Variants in UBR4 observed in about 807,000 individuals in gnomAD.
UBR4 encodes the protein E3 ubiquitin-protein ligase UBR4.
UBR4 carries 124 observed loss-of-function variants against 575.6 expected under a neutral mutation model. The observed-to-expected ratio is 0.22, with a 90% confidence interval of 0.19 to 0.25. UBR4 has a LOEUF of 0.25. Among genes scored for constraint, UBR4 ranks in the 10% least tolerant of loss-of-function variants. The probability of loss-of-function intolerance (pLI) is 1.00; values close to 1 mark genes in which losing one functional copy is unlikely to be tolerated. For synonymous variants in UBR4, 2,455 were observed against 2,473.7 expected, an observed-to-expected ratio of 0.99 and a Z score of 0.22; for missense variants, 4,818 against 6,478.8, an observed-to-expected ratio of 0.74 and a Z score of 8.80.
In UBR4 at chr1:19,094,107, T is replaced by C. The variant is rs758731216; in HGVS notation, c.13779A>G (p.Gln4593=). The stretch of plus-strand genomic sequence containing the variant: ...TGATCTGGTCCAAGAGCATCACCAG[T>C]TGATCCTTGTCACCTGTCAGGAGGA... ...GNLLLTGDKD[Q]LVMLLDQINS... The change falls in exon 95 of 106, where the codon CAA becomes CAG. Residue 4593 remains glutamine (Q), a synonymous_variant. Coordinates refer to ENST00000375254, the MANE Select transcript of UBR4 (RefSeq NM_020765.3). The C allele has an allele frequency of 1.2e-6, 2 of 1,613,912 alleles. No homozygotes were observed. The highest frequency in any genetic ancestry group is 8.5e-7 in the Non-Finnish European group (1 of 1,179,976).
chr1:19,136,616 A>C (rs1018941845), intron 60 of UBR4, among the ~76,000 whole-genome samples: 1 of 152,220 alleles, frequency 6.6e-6, no homozygotes, highest in Admixed American at 6.5e-5. Flanking sequence ...TAAGAAGCAC[A>C]AAGTAATAAC....
At chr1:19,156,542 A>C in intron 41 of UBR4, 119 bp from the exon 42 acceptor site, 2 of 1,338,152 alleles carry the variant, frequency 1.5e-6, no homozygotes, top group Non-Finnish European at 2.0e-6. Flanking sequence ...GACAGTATTT[A>C]GACTGTCTAG....
In UBR4 at chr1:19,117,376, G is replaced by A. The variant is rs1557652824; in HGVS notation, c.10668C>T (p.Tyr3556=). The change falls in exon 73 of 106, where the codon TAC becomes TAT. Residue 3556 remains tyrosine, a synonymous_variant. Coordinates refer to ENST00000375254, the MANE Select transcript of UBR4 (RefSeq NM_020765.3). The surrounding 1 kb of genome is among the most constrained non-coding windows in gnomAD (Gnocchi z 4.0). ...KLSSIKVDTR[Y]TTTQQVVKLI... ...GCTTCACAACCTGCTGGGTGGTGGT[G>A]TACCGCGTGTCCACTTTAATGGAAG... 3 of 1,614,072 alleles carry A rather than the reference G, an allele frequency of 1.9e-6. No homozygotes were observed. The highest frequency in any genetic ancestry group is 1.3e-5 in the African/African-American group (1 of 74,916).
chr1:19,154,887 C>G, intron 44 of UBR4, 31 bp downstream of exon 44: 1 of 1,612,920 alleles, frequency 6.2e-7, no homozygotes, highest in Non-Finnish European at 8.5e-7. Flanking sequence ...GTGGACATTG[C>G]GGAAGTTGAA....
chr1:19,132,605 T>TAAAAAAAAAAAAAAAAAAAAAAAAAAGA, intron 60 of UBR4, among the ~76,000 whole-genome samples: 1 of 24,128 alleles, frequency 4.1e-5, no homozygotes, highest in African/African-American at 2.3e-4. Context: ...TAAAAAATGG[T>TAAAAAAAAAAAAAAAAAAAAAAAAAAGA]AAAAAAAAAA....
chr1:19,136,841 T>G (rs2083252751), intron 60 of UBR4, among the ~76,000 whole-genome samples: 1 of 152,106 alleles, frequency 6.6e-6, no homozygotes, highest in African/African-American at 2.4e-5. Context: ...CAAAATATCA[T>G]CTATTAACAG....
chr1:19,098,441 CT>C (rs2078278373), intron 90 of UBR4, among the ~76,000 whole-genome samples: 2 of 152,244 alleles, frequency 1.3e-5, no homozygotes, highest in African/African-American at 2.4e-5. Context: ...TTCTATCTTG[CT>C]TCACCATTCA....
At chr1:19,078,942 A>T (rs1379467496) in intron 103 of UBR4, 1 of 152,098 alleles carries the variant, frequency 6.6e-6, no homozygotes, top group Non-Finnish European at 1.5e-5. Context: ...GTCAGGATTC[A>T]GTTTCTACCA....
At position 19,112,816 on chromosome 1, in the gene UBR4, C is replaced by G; in HGVS notation, c.11509G>C (p.Glu3837Gln). 6.2e-7 allele frequency: 1 copy of G among 1,613,916 alleles called. No individual in the cohort carries two copies. Among genetic ancestry groups the G allele is most frequent in the East Asian group, 2.2e-5 (1 of 44,884 alleles). The change falls in exon 78 of 106, where the codon GAA (glutamate) becomes CAA (glutamine). Residue 3837 changes from glutamate (E) to glutamine (Q), a missense_variant. Glu to Gln is a conservative substitution (Grantham distance 29). Around this residue, in one of 29 missense-constraint regions of UBR4, gnomAD observed 333 missense variants for 459.2 expected, o/e 0.73. Coordinates refer to ENST00000375254, the MANE Select transcript of UBR4 (RefSeq NM_020765.3). The stretch of plus-strand genomic sequence containing the variant: ...GTCCGGGATGATTTAGTGGCTGCTT[C>G]CCTCTGCTGTAGGTCATATTCCAAC... ...ELLEYDLQQR[E>Q]AATKSSRTSV...
intron 55 of UBR4, among the ~76,000 whole-genome samples, chr1:19,143,495 G>C (rs779720245): frequency 5.3e-5 from 8 of 152,108 alleles, no homozygotes; most frequent in African/African-American, 9.7e-5. Context: ...GTATTGTGAG[G>C]GAAATTCCTG....
chr1:19,145,506 G>GACACACAC (rs1557773651), intron 53 of UBR4, among the ~76,000 whole-genome samples: 1 of 43,378 alleles, frequency 2.3e-5, no homozygotes, highest in African/African-American at 8.8e-5. Flanking sequence ...ATAAACCACT[G>GACACACAC]AGACACACAC....
At chr1:19,094,247 C>T in intron 94 of UBR4, 108 bp from the exon 95 acceptor site, 1 of 749,660 alleles carries the variant, frequency 1.3e-6, no homozygotes, top group Non-Finnish European at 2.2e-6. Context: ...ATCAGGAATA[C>T]CCCTAGAAGA....
At chr1:19,099,120 AG>A (rs2078360335) in intron 90 of UBR4, among the ~76,000 whole-genome samples, 1 of 152,206 alleles carries the variant, frequency 6.6e-6, no homozygotes, top group African/African-American at 2.4e-5. Context: ...CCCCTCCTCA[AG>A]AATAACTGCC....
intron 60 of UBR4, 151 bp from the exon 61 acceptor site, chr1:19,129,225 G>GT (rs1258416876): frequency 1.6e-6 from 1 of 618,118 alleles, no homozygotes; most frequent in African/African-American, 1.9e-5. Flanking sequence ...AAAAAGTTAA[G>GT]AACTGCCTAA....
In UBR4 at chr1:19,112,560, C is replaced by T. The variant is rs1324984561; in HGVS notation, c.11765G>A (p.Arg3922Gln). 4.3e-6 allele frequency: 7 copies of T among 1,613,704 alleles called. No homozygotes were observed. Among genetic ancestry groups the T allele is most frequent in the South Asian group, 1.1e-5 (1 of 91,006 alleles). Residue 3922 changes from arginine to glutamine, a missense_variant, in exon 78 of 106, where the codon CGG (arginine) becomes CAG (glutamine). By Grantham distance (43) the Arg-to-Gln change is conservative (BLOSUM62 1). Coordinates refer to ENST00000375254, the MANE Select transcript of UBR4 (RefSeq NM_020765.3). ...YNLRRGAAAM[R>Q]EEVRQLMCLL... ...GCACATGAGCTGGCGGACCTCCTCCCGCATGGCCGCAGCCCCTCGGCGAAG... is the reference window on the plus strand; with the variant it reads ...GCACATGAGCTGGCGGACCTCCTCCTGCATGGCCGCAGCCCCTCGGCGAAG...
At chr1:19,120,028 A>G in intron 69 of UBR4, 152 bp downstream of exon 69, 1 of 992,836 alleles carries the variant, frequency 1.0e-6, no homozygotes, top group Non-Finnish European at 1.5e-6. Context: ...TAAAAAGCAG[A>G]CAACAATAAA....
intron 8 of UBR4, among the ~76,000 whole-genome samples, chr1:19,195,969 T>TACACACACACACACACACAC (rs55820713): frequency 5.7e-4 from 77 of 134,132 alleles, no homozygotes; most frequent in African/African-American, 2.1e-3. Context: ...GACTTACTTA[T>TACACACACACACACACACAC]ACACACACAC....
chr1:19,206,878 T>TAAA (rs2151839690), intron 1 of UBR4, among the ~76,000 whole-genome samples: 1 of 152,348 alleles, frequency 6.6e-6, no homozygotes, highest in South Asian at 2.1e-4. Flanking sequence ...TAGGAACGTT[T>TAAA]AATCTACCTT....
At position 19,153,092 on chromosome 1, in the gene UBR4, G is replaced by C. The variant is rs1459034159; in HGVS notation, c.6832+209C>G. On this transcript the variant is annotated intron_variant, in intron 46 of 105. Transcript: ENST00000375254. This position sits in a 1 kb window ranked among gnomAD's most constrained non-coding sequence, Gnocchi z 4.1. The stretch of plus-strand genomic sequence containing the variant: ...AGGTCCAGGACATAACTCGTTACTA[G>C]GCACCAAAGAACTGCTGGCCTGAAA... Among the ~76,000 whole-genome samples, 1 of 152,182 alleles carries C rather than the reference G, an allele frequency of 6.6e-6. No homozygotes were observed. The highest frequency in any genetic ancestry group is 6.5e-5 in the Admixed American group (1 of 15,286).
Sources: allele counts gnomAD v4.1 joint callset (sites outside exome capture counted in the v4.1 genomes callset), GRCh38; gene constraint gnomAD v4.1.1; regional missense constraint gnomAD v4.1.1; non-coding constraint Gnocchi (gnomAD v3.1); transcripts MANE v1.5; gene names NCBI Gene and HGNC (gene_info 2026-07-23, HGNC 2026-07-21).